Variants in HVCN1 observed in about 807,000 individuals in gnomAD.
HVCN1 encodes the protein voltage-gated hydrogen channel 1.
In HVCN1, 14 loss-of-function variants were observed where a neutral mutation model predicts 29.2. The ratio of observed to expected loss-of-function variants is 0.48; its 90% CI spans 0.32 to 0.75. HVCN1 has a LOEUF of 0.75. Ranked by LOEUF, HVCN1 falls within the 30% of genes least tolerant of loss-of-function variation. HVCN1 has a pLI of 0.04. For missense variants in HVCN1, 263 were observed against 341.8 expected (o/e 0.77, Z 1.82); for synonymous variants, 131 against 133.2 (o/e 0.98, Z 0.11).
In HVCN1 at chr12:110,661,370, C is replaced by T. The variant is rs147191036; in HGVS notation, c.100G>A (p.Asp34Asn). The change falls in exon 4 of 8, where the codon GAC (aspartate) becomes AAC (asparagine). Residue 34 changes from aspartate (D) to asparagine (N), a missense_variant. Asp to Asn is a conservative substitution (Grantham distance 23, BLOSUM62 1). This residue lies in a region of HVCN1 where 157 missense variants were observed against 181.3 expected (regional missense o/e 0.87). Transcript: ENST00000242607. This position sits in a 1 kb window ranked among gnomAD's most constrained non-coding sequence, Gnocchi z 6.2. ...TAGTTGATGTTCCAGGCATGGTAGT[C>T]GTCTCCCACGACCGTGAAGTGCCTT... ...FLRHFTVVGD[D>N]YHAWNINYKK... 4.5e-5 allele frequency: 73 copies of T among 1,614,092 alleles called. No homozygotes were observed. The highest frequency in any genetic ancestry group is 1.1e-4 in the African/African-American group (8 of 74,942).
intron 4 of HVCN1, among the ~76,000 whole-genome samples, chr12:110,656,672 G>A (rs2068002525): frequency 6.6e-6 from 1 of 152,210 alleles, no homozygotes; most frequent in Non-Finnish European, 1.5e-5. Context: ...AATTTCTGCA[G>A]TTTCAGGTTA....
At chr12:110,696,281 G>A (rs760613344) in intron 2 of HVCN1, among the ~76,000 whole-genome samples, 1 of 152,120 alleles carries the variant, frequency 6.6e-6, no homozygotes, top group East Asian at 1.9e-4. Flanking sequence ...TACAAAAAAT[G>A]TAGTAAAATA....
At chr12:110,698,247 G>A (rs543897851) in intron 2 of HVCN1, among the ~76,000 whole-genome samples, 7 of 152,260 alleles carry the variant, frequency 4.6e-5, no homozygotes, top group East Asian at 1.9e-4. Context: ...CGATCCTCCC[G>A]TCTTGGCCTC....
Position 110,650,179 on chromosome 12 carries a change from A to C in HVCN1, c.745T>G (p.Cys249Gly), listed in dbSNP as rs201313963. 2.3e-4 allele frequency: 368 copies of C among 1,608,030 alleles called. No individual in the cohort carries two copies. The highest frequency in any genetic ancestry group is 3.1e-4 in the Non-Finnish European group (361 of 1,174,668). Reference protein sequence around the residue: ...AAKIQHLEFSCSEKEQEIERL... With the variant: ...AAKIQHLEFSGSEKEQEIERL... ...GTCGTCTTTCTTACCTTCTCAGAGCAGCTGAACTCAAGGTGTTGAATCTTG... is the reference window on the plus strand; with the variant it reads ...GTCGTCTTTCTTACCTTCTCAGAGCCGCTGAACTCAAGGTGTTGAATCTTG... Residue 249 changes from cysteine (C) to glycine (G), a missense_variant, in exon 7 of 8, where the codon TGC (cysteine) becomes GGC (glycine). This residue lies in a region of HVCN1 where 51 missense variants were observed against 51.1 expected (regional missense o/e 1.00). Coordinates refer to ENST00000242607, the MANE Select transcript of HVCN1 (RefSeq NM_032369.4).
chr12:110,693,983 G>C (rs903811952), upstream of HVCN1, among the ~76,000 whole-genome samples: 1 of 152,074 alleles, frequency 6.6e-6, no homozygotes, highest in South Asian at 2.1e-4. Flanking sequence ...CCCCACCCCC[G>C]GTCCTCCGCA....
At chr12:110,682,006 A>G (rs1174948866) in intron 3 of HVCN1, among the ~76,000 whole-genome samples, 1 of 151,592 alleles carries the variant, frequency 6.6e-6, no homozygotes, top group East Asian at 1.9e-4. Flanking sequence ...TTTTTTTTGG[A>G]GACGGAGTTT....
At chr12:110,662,826 C>A (rs761239951) in intron 3 of HVCN1, among the ~76,000 whole-genome samples, 24 of 152,110 alleles carry the variant, frequency 1.6e-4, no homozygotes, top group Non-Finnish European at 2.6e-4. Flanking sequence ...AAAAGATATA[C>A]TACAGACTGG....
chr12:110,663,587 C>CAAAAAAAAAAAAAAAAAA (rs1182792368), intron 3 of HVCN1, among the ~76,000 whole-genome samples: 2 of 25,810 alleles, frequency 7.7e-5, no homozygotes, highest in African/African-American at 1.2e-4. Flanking sequence ...GACGCTGTCT[C>CAAAAAAAAAAAAAAAAAA]AAAAAAAAAA....
intron 3 of HVCN1, among the ~76,000 whole-genome samples, chr12:110,679,583 G>A (rs1345354104): frequency 1.3e-5 from 2 of 152,230 alleles, no homozygotes; most frequent in Non-Finnish European, 2.9e-5. Context: ...GCCGGGCGCG[G>A]TGGCTCACGC....
At chr12:110,651,482 T>C (rs766770167) in intron 5 of HVCN1, 34 bp from the exon 6 acceptor site, 13 of 1,486,000 alleles carry the variant, frequency 8.7e-6, no homozygotes, top group East Asian at 6.8e-5. Flanking sequence ...TCAGGGGAGA[T>C]TGGGCCTCTG....
At position 110,655,388 on chromosome 12, in the gene HVCN1, C is replaced by G. The variant is rs1242314406; in HGVS notation, c.307-50G>C. The G allele has an allele frequency of 2.2e-6, 3 of 1,363,910 alleles. No individual in the cohort carries two copies. In the African/African-American group the frequency reaches 4.3e-5, roughly 20 times the overall value. The allele number at this position is 1,363,910 out of a possible 1,614,324, so 84.5% of individuals were successfully genotyped here. On this transcript the variant is annotated intron_variant, in intron 4 of 7. Transcript: ENST00000242607. ...AGATCATGAGACCCCCACAGAGGCC[C>G]TCCCTCTCCCATCATTAAGAGCTGG... is the stretch of plus-strand genomic sequence containing the variant.
At chr12:110,663,381 T>C (rs1428976466) in intron 3 of HVCN1, among the ~76,000 whole-genome samples, 1 of 151,490 alleles carries the variant, frequency 6.6e-6, no homozygotes, top group Non-Finnish European at 1.5e-5. Flanking sequence ...GGTGGGAGGA[T>C]TGCTTGAGCC....
chr12:110,670,517 T>A (rs1261572143), intron 3 of HVCN1, among the ~76,000 whole-genome samples: 1 of 152,210 alleles, frequency 6.6e-6, no homozygotes, highest in Non-Finnish European at 1.5e-5. Context: ...CTTCCTTCCA[T>A]GCACTATTTC....
In HVCN1 at chr12:110,661,308, C is replaced by T. The variant is rs1330430431; in HGVS notation, c.162G>A (p.Glu54=). 6.2e-7 allele frequency: 1 copy of T among 1,613,858 alleles called. No individual in the cohort carries two copies. Among genetic ancestry groups the T allele is most frequent in the Admixed American group, 1.7e-5 (1 of 59,998 alleles). ...KWENEEEEEE[E]EQPPPTPVSG... ...AGACTGGTGTGGGTGGTGGCTGCTC[C>T]TCCTCCTCCTCCTCCTCTTCATTCT... Residue 54 remains glutamate (E), a synonymous_variant, in exon 4 of 8, where the codon GAG becomes GAA. Transcript: ENST00000242607. The surrounding 1 kb of genome is among the most constrained non-coding windows in gnomAD (Gnocchi z 6.2).
chr12:110,703,920 T>C (rs2069584736), intron 1 of HVCN1, among the ~76,000 whole-genome samples: 1 of 152,160 alleles, frequency 6.6e-6, no homozygotes, highest in Non-Finnish European at 1.5e-5. Context: ...CCTAGCCTCA[T>C]GTGATCTGCC....
At chr12:110,650,828 G>C (rs1281181692) in intron 6 of HVCN1, among the ~76,000 whole-genome samples, 2 of 151,814 alleles carry the variant, frequency 1.3e-5, no homozygotes, top group Non-Finnish European at 2.9e-5. Context: ...CCAGTGGCTG[G>C]GACTACATGT....
chr12:110,664,586 A>G (rs2068281594), intron 3 of HVCN1, among the ~76,000 whole-genome samples: 1 of 152,206 alleles, frequency 6.6e-6, no homozygotes, highest in Non-Finnish European at 1.5e-5. Flanking sequence ...TGTGAAATTT[A>G]CTGTGATCCC....
chr12:110,670,636 C>T (rs888411803), intron 3 of HVCN1, among the ~76,000 whole-genome samples: 1 of 152,112 alleles, frequency 6.6e-6, no homozygotes, highest in Admixed American at 6.6e-5. Flanking sequence ...CAGGATCTGC[C>T]CCTGGGCTCC....
At position 110,675,294 on chromosome 12, in the gene HVCN1, A is replaced by G. The variant is rs762500291; in HGVS notation, c.21+7931T>C. Among the ~76,000 whole-genome samples the G allele has an allele frequency of 9.7e-4, 148 of 152,286 alleles. 1 individual carries two copies. Among genetic ancestry groups the G allele is most frequent in the Non-Finnish European group, 1.8e-3 (122 of 68,026 alleles). ...ACCAACGTGGGGAAACCCCGTCTCT[A>G]CTAAAAATACAAAAATTAGCCAGGC... On this transcript the variant is annotated intron_variant, in intron 3 of 7. Transcript: ENST00000242607.
Sources: allele counts gnomAD v4.1 joint callset (sites outside exome capture counted in the v4.1 genomes callset), GRCh38; gene constraint gnomAD v4.1.1; regional missense constraint gnomAD v4.1.1; non-coding constraint Gnocchi (gnomAD v3.1); transcripts MANE v1.5; gene names NCBI Gene and HGNC (gene_info 2026-07-23, HGNC 2026-07-21).